Variants in CHTF18 observed in about 807,000 individuals in gnomAD.
CHTF18 encodes the protein chromosome transmission fidelity protein 18 homolog.
In CHTF18, 151 loss-of-function variants were observed where a neutral mutation model predicts 113.4. The ratio of observed to expected loss-of-function variants is 1.33; its 90% CI spans 1.17 to 1.52. CHTF18 has a LOEUF of 1.52. Ranked by LOEUF, CHTF18 falls within the 40% of genes most tolerant of loss-of-function variation. The pLI is 0.00. For synonymous variants in CHTF18, 916 were observed against 598.8 expected, an observed-to-expected ratio of 1.53 and a Z score of -7.74; for missense variants, 1,982 against 1,381.6, an observed-to-expected ratio of 1.43 and a Z score of -6.89.
intron 14 of CHTF18, chr16:793,798 C>T: frequency 1.5e-6 from 1 of 653,664 alleles, no homozygotes; most frequent in Middle Eastern, 2.8e-4. Flanking sequence ...GGGACTTTCC[C>T]TGGGGTCCCC....
chr16:789,744 G>C lies in CHTF18; in HGVS notation c.606+29G>C, dbSNP rs369150510. 3.2e-6 allele frequency: 5 copies of C among 1,554,184 alleles called. No homozygotes were observed. In the South Asian group the frequency reaches 4.7e-5, roughly 15 times the overall value. On this transcript the variant is annotated intron_variant, in intron 4 of 21. Transcript: ENST00000262315. ...CGTGGCTGTGGCCTTCCTGCACGGTGGGTGGGCCAGTGCTGCTCAGGAAAG... is the reference window on the plus strand; with the variant it reads ...CGTGGCTGTGGCCTTCCTGCACGGTCGGTGGGCCAGTGCTGCTCAGGAAAG...
chr16:794,984 G>A (rs1054059336), intron 15 of CHTF18, 148 bp from the exon 16 acceptor site: 34 of 645,310 alleles, frequency 5.3e-5, no homozygotes, highest in African/African-American at 3.7e-4. Context: ...GACGCCCAGC[G>A]TCGTGGGGAC....
rs746649499 is a variant in CHTF18, at chr16:797,026, A to G, written c.2667A>G (p.Arg889=). 8 of 1,559,474 alleles carry G rather than the reference A, an allele frequency of 5.1e-6. No individual in the cohort carries two copies. Among genetic ancestry groups the G allele is most frequent in the Non-Finnish European group, 6.9e-6 (8 of 1,152,362 alleles). The change falls in exon 20 of 22, where the codon CGA becomes CGG. Residue 889 remains arginine, a synonymous_variant. Coordinates refer to ENST00000262315, the MANE Select transcript of CHTF18 (RefSeq NM_022092.3). Reference sequence around the variant, plus strand: ...GCATTGGGGAGAAAGGGGTGCACCGACCTGCCCCACGCAACCATGAGCAGC... The same window carrying G: ...GCATTGGGGAGAAAGGGGTGCACCGGCCTGCCCCACGCAACCATGAGCAGC... ...LGGIGEKGVH[R]PAPRNHEQRL... is the part of the protein sequence containing the mutation.
chr16:795,417 G>T, intron 16 of CHTF18, 61 bp downstream of exon 16: 1 of 1,247,546 alleles, frequency 8.0e-7, no homozygotes. Context: ...TGTGCTGCCC[G>T]TGTGGCTGCC....
Position 796,700 on chromosome 16 carries a change from C to G in CHTF18, c.2457-17C>G. ...TGGCCCCGCTGACCTGCCCTGGTGT[C>G]CCCCTGTGCTGAGCAGGAACGTGGA... On this transcript the variant is annotated splice_polypyrimidine_tract_variant and intron_variant, in intron 18 of 21. Transcript: ENST00000262315. 6.3e-7 allele frequency: 1 copy of G among 1,588,320 alleles called. No homozygotes were observed. Among genetic ancestry groups the G allele is most frequent in the East Asian group, 2.2e-5 (1 of 44,562 alleles).
intron 18 of CHTF18, 174 bp from the exon 19 acceptor site, chr16:796,543 C>T (rs551589002): frequency 2.5e-4 from 178 of 699,194 alleles, no homozygotes; most frequent in African/African-American, 9.8e-4. Flanking sequence ...AACTGAGGCT[C>T]GGGGCAGTTA....
In CHTF18 at chr16:792,609, G is replaced by A. The variant is rs373419846; in HGVS notation, c.1478+19G>A. 196 of 1,591,322 alleles carry A rather than the reference G, an allele frequency of 1.2e-4. No homozygotes were observed. The African/African-American group carries it at 2.4e-3, about 19-fold the overall frequency. On this transcript the variant is annotated intron_variant, in intron 11 of 21. Coordinates refer to ENST00000262315, the MANE Select transcript of CHTF18 (RefSeq NM_022092.3). ...ATGACCAGTGAGTGCATGGGCGGGC[G>A]CCACAGTCAGGAGAGGCTCTGGTGC... is the stretch of plus-strand genomic sequence containing the variant.
In CHTF18 at chr16:791,511, G is replaced by A. The variant is rs112651326; in HGVS notation, c.1104+141G>A. ...TTGGCGTGAAGCGCCATTAGCGTGAGTTAGAACTGGAGCGTTGCAGTAACA... is the reference window on the plus strand; with the variant it reads ...TTGGCGTGAAGCGCCATTAGCGTGAATTAGAACTGGAGCGTTGCAGTAACA... On this transcript the variant is annotated intron_variant, in intron 8 of 21. Transcript: ENST00000262315. 5.1e-3 allele frequency: 7,359 copies of A among 1,440,756 alleles called. 31 individuals carry two copies. Among genetic ancestry groups the A allele is most frequent in the Non-Finnish European group, 5.6e-3 (6,175 of 1,102,076 alleles). 89.2% of individuals were successfully genotyped at this position (1,440,756 alleles called of 1,614,324 possible). A position where few individuals can be genotyped will look rare whatever the true frequency, so the allele number is the denominator to read the frequency against.
At position 796,678 on chromosome 16, in the gene CHTF18, C is replaced by A. The variant is rs79596321; in HGVS notation, c.2457-39C>A. 506 of 1,540,450 alleles carry A rather than the reference C, an allele frequency of 3.3e-4. 6 individuals are homozygous for A. The African/African-American group carries it at 6.0e-3, about 18-fold the overall frequency. On this transcript the variant is annotated intron_variant, in intron 18 of 21. Transcript: ENST00000262315. ...GGCGGCTCTCTGGCCCTGAGCCTGG[C>A]CCCGCTGACCTGCCCTGGTGTCCCC...
In CHTF18 at chr16:791,499, C is replaced by T. The variant is rs1282021279; in HGVS notation, c.1104+129C>T. Reference sequence around the variant, plus strand: ...GACGTGTGGGTCTTGGCGTGAAGCGCCATTAGCGTGAGTTAGAACTGGAGC... The same window carrying T: ...GACGTGTGGGTCTTGGCGTGAAGCGTCATTAGCGTGAGTTAGAACTGGAGC... On this transcript the variant is annotated intron_variant, in intron 8 of 21. Transcript: ENST00000262315. 8.3e-6 allele frequency: 12 copies of T among 1,444,270 alleles called. No homozygotes were observed. In the Admixed American group the frequency reaches 1.1e-4, roughly 13 times the overall value. The allele number at this position is 1,444,270 out of a possible 1,614,324, so 89.5% of individuals were successfully genotyped here.
Position 791,141 on chromosome 16 carries a change from C to T in CHTF18, c.895-20C>T, listed in dbSNP as rs1310203240. 3.1e-6 allele frequency: 5 copies of T among 1,599,592 alleles called. No individual in the cohort carries two copies. The East Asian group carries it at 1.1e-4, about 36-fold the overall frequency. On this transcript the variant is annotated intron_variant, in intron 7 of 21. Coordinates refer to ENST00000262315, the MANE Select transcript of CHTF18 (RefSeq NM_022092.3). ...AGGCGGTGCCCTCAGGCTGTGCTTC[C>T]CTTCCCGTCCTTCCCGCAGTTCACC...
Position 793,370 on chromosome 16 carries a change from G to C in CHTF18, c.1802+96G>C, listed in dbSNP as rs56053037. ...AGGCCAGCACTACCTTCGAGGCGGG[G>C]ACTCAGTGTCCTGAGCCCGCGGTTG... is the stretch of plus-strand genomic sequence containing the variant. On this transcript the variant is annotated intron_variant, in intron 14 of 21. Transcript: ENST00000262315. 10,806 of 1,465,038 alleles carry C rather than the reference G, an allele frequency of 7.4e-3. 82 individuals are homozygous for C. The highest frequency in any genetic ancestry group is 0.032 in the Middle Eastern group (128 of 4,050). The allele number at this position is 1,465,038 out of a possible 1,614,324, so 90.8% of individuals were successfully genotyped here.
intron 20 of CHTF18, 61 bp from the exon 21 acceptor site, chr16:797,633 T>G: frequency 6.4e-7 from 1 of 1,571,886 alleles, no homozygotes. Context: ...TCCTCCTGTC[T>G]TGGGTAGGGG....
At position 797,835 on chromosome 16, in the gene CHTF18, G is replaced by T. The variant is rs74001030; in HGVS notation, c.2792-4G>T. On this transcript the variant is annotated splice_polypyrimidine_tract_variant and splice_region_variant and intron_variant, in intron 21 of 21. Transcript: ENST00000262315. ...AGCTGAGGAGCAACCCTGTGGCCCC[G>T]CAGGGGACACGGCCCCGGAGCAGGA... 12 of 1,599,856 alleles carry T rather than the reference G, an allele frequency of 7.5e-6. No homozygotes were observed. Among genetic ancestry groups the T allele is most frequent in the South Asian group, 1.1e-5 (1 of 89,634 alleles).
rs971375934 is a variant in CHTF18, at chr16:794,049, T to A, written c.1803-5T>A. Reference sequence around the variant, plus strand: ...GTCCATCTAGCTTCAGCACCCCACCTGCAGGCGCCGTGTGGGCCAGGACCC... The same window carrying A: ...GTCCATCTAGCTTCAGCACCCCACCAGCAGGCGCCGTGTGGGCCAGGACCC... On this transcript the variant is annotated splice_polypyrimidine_tract_variant and splice_region_variant and intron_variant, in intron 14 of 21. Transcript: ENST00000262315. The A allele has an allele frequency of 1.0e-5, 16 of 1,607,604 alleles. No homozygotes were observed. Among genetic ancestry groups the A allele is most frequent in the Non-Finnish European group, 1.3e-5 (15 of 1,177,028 alleles).
intron 3 of CHTF18, 21 bp from the exon 4 acceptor site, chr16:789,526 T>G (rs748089452): frequency 7.0e-6 from 11 of 1,577,402 alleles, no homozygotes; most frequent in Non-Finnish European, 9.5e-6. Flanking sequence ...TTTCTGCCAC[T>G]GAGCCCCGGT....
Position 795,969 on chromosome 16 carries a change from C to T in CHTF18, c.2348C>T (p.Thr783Ile), listed in dbSNP as rs775767929. The T allele has an allele frequency of 2.5e-6, 4 of 1,609,570 alleles. No homozygotes were observed. Among genetic ancestry groups the T allele is most frequent in the Middle Eastern group, 1.6e-4 (1 of 6,078 alleles). The change falls in exon 18 of 22, where the codon ACC becomes ATC. Residue 783 changes from threonine to isoleucine, a missense_variant. Transcript: ENST00000262315. ...TAGGTGAGCACACAGCTGTACAGCA[C>T]CCGTGAAAAGCAACAGCTGGCCAGC... The part of the protein sequence containing the change: ...LRPVSTQLYS[T>I]REKQQLASLV...
Position 794,123 on chromosome 16 carries a change from C to T in CHTF18, c.1872C>T (p.Ser624=), listed in dbSNP as rs748240442. 2 of 1,612,452 alleles carry T rather than the reference C, an allele frequency of 1.2e-6. No homozygotes were observed. Among genetic ancestry groups the T allele is most frequent in the Non-Finnish European group, 1.7e-6 (2 of 1,179,766 alleles). Residue 624 remains serine (S), a synonymous_variant, in exon 15 of 22, where the codon TCC becomes TCT. Transcript: ENST00000262315. ...TLLLGDGDAG[S]LTSASQRFYR... ...TGCTGGGTGACGGGGACGCGGGCTC[C>T]CTCACCTCCGCCTCACAGCGATTCT...
chr16:792,735 G>C lies in CHTF18; in HGVS notation c.1496G>C (p.Arg499Pro). 1 of 1,556,458 alleles carries C rather than the reference G, an allele frequency of 6.4e-7. No individual in the cohort carries two copies. The highest frequency in any genetic ancestry group is 8.7e-7 in the Non-Finnish European group (1 of 1,155,418). The change falls in exon 12 of 22, where the codon CGG (arginine) becomes CCG (proline). Residue 499 changes from arginine to proline, a missense_variant. Transcript: ENST00000262315. ...CTCCTCAGGTTCGCACCGTCCCTGC[G>C]GCAGCTGAAGCAGCAGGCCTTCCTG... ...ICNDQFAPSLRQLKQQAFLLH... is the reference protein window; with the variant it reads ...ICNDQFAPSLPQLKQQAFLLH...
Sources: allele counts gnomAD v4.1 joint callset, GRCh38; gene constraint gnomAD v4.1.1; transcripts MANE v1.5; gene names NCBI Gene and HGNC (gene_info 2026-07-23, HGNC 2026-07-21).